NCMAP: variants seen among roughly 807,000 people sequenced by gnomAD.
NCMAP encodes the protein non-compact myelin associated protein.
Under a neutral mutation model 7.8 loss-of-function variants are expected in NCMAP, and 8 were observed. The ratio of observed to expected loss-of-function variants is 1.02; its 90% CI spans 0.60 to 1.84. NCMAP has a LOEUF of 1.84. Among genes scored for constraint, NCMAP ranks in the 40% most tolerant of loss-of-function variants. The pLI is 0.00. For synonymous variants in NCMAP, 41 were observed against 52.9 expected (o/e 0.78, Z 0.98); for missense variants, 112 against 131.4 (o/e 0.85, Z 0.72).
At chr1:24,595,615 G>C (rs1308416709) in intron 2 of NCMAP, 103 bp downstream of exon 2, 2 of 857,818 alleles carry the variant, frequency 2.3e-6, no homozygotes, top group Admixed American at 2.3e-5. Context: ...GGACTGCCTG[G>C]GTCTCAGGCC....
At chr1:24,567,838 G>A (rs1203342082) in intron 1 of NCMAP, among the ~76,000 whole-genome samples, 1 of 152,188 alleles carries the variant, frequency 6.6e-6, no homozygotes, top group Non-Finnish European at 1.5e-5. Context: ...CCAGGGTGTG[G>A]AGTATGTGGG....
intron 1 of NCMAP, among the ~76,000 whole-genome samples, chr1:24,591,274 T>C (rs989387819): frequency 4.6e-5 from 7 of 152,104 alleles, no homozygotes; most frequent in African/African-American, 1.7e-4. Flanking sequence ...CTGGGCTGTG[T>C]CTTTTTTTTG....
At position 24,582,131 on chromosome 1, in the gene NCMAP, G is replaced by A. The variant is rs1271821601; in HGVS notation, c.-7-13293G>A. Among the ~76,000 whole-genome samples the A allele has an allele frequency of 8.5e-5, 13 of 152,174 alleles. No individual in the cohort carries two copies. In the South Asian group the frequency reaches 2.3e-3, roughly 27 times the overall value. ...CCGTCTCTCACAGCCCTTCTCATGCGCAACCTCCTGATTCGTTGCTCGTGC... is the reference window on the plus strand; with the variant it reads ...CCGTCTCTCACAGCCCTTCTCATGCACAACCTCCTGATTCGTTGCTCGTGC... On this transcript the variant is annotated intron_variant, in intron 1 of 3. Coordinates refer to ENST00000374392, the MANE Select transcript of NCMAP (RefSeq NM_001010980.5).
At chr1:24,596,192 G>A (rs1376721837) in intron 2 of NCMAP, among the ~76,000 whole-genome samples, 1 of 152,162 alleles carries the variant, frequency 6.6e-6, no homozygotes, top group Non-Finnish European at 1.5e-5. Context: ...AGAATCACTT[G>A]AACCTGGGAA....
chr1:24,563,260 G>T (rs568543808), intron 1 of NCMAP, among the ~76,000 whole-genome samples: 1 of 150,940 alleles, frequency 6.6e-6, no homozygotes, highest in East Asian at 1.9e-4. Context: ...GGTGGCTTGC[G>T]CCTGTAATCC....
intron 1 of NCMAP, among the ~76,000 whole-genome samples, chr1:24,571,962 C>T (rs6424106): frequency 0.11 from 15,938 of 150,792 alleles, 1,436 homozygotes; most frequent in East Asian, 0.18. Flanking sequence ...GCATTTTGCA[C>T]TTAAAATACA....
chr1:24,602,058 T>C (rs1282845743), intron 3 of NCMAP, among the ~76,000 whole-genome samples: 1 of 149,998 alleles, frequency 6.7e-6, no homozygotes, highest in Non-Finnish European at 1.5e-5. Context: ...AAAAAAATCA[T>C]ATATATATGT....
Position 24,576,047 on chromosome 1 carries a change from A to C in NCMAP, c.-7-19377A>C, listed in dbSNP as rs1651549986. Among the ~76,000 whole-genome samples, 1 of 151,658 alleles carries C rather than the reference A, an allele frequency of 6.6e-6. No individual in the cohort carries two copies. Among genetic ancestry groups the C allele is most frequent in the Non-Finnish European group, 1.5e-5 (1 of 67,982 alleles). ...GCTCCCTCATCCTGATCCTCTCTGC[A>C]CAGCCGCATTGCCCCGTCCAGAGCT... On this transcript the variant is annotated intron_variant, in intron 1 of 3. Transcript: ENST00000374392. This position sits in a 1 kb window ranked among gnomAD's most constrained non-coding sequence, Gnocchi z 4.0.
At chr1:24,561,953 G>A (rs1336117886) in intron 1 of NCMAP, among the ~76,000 whole-genome samples, 1 of 151,968 alleles carries the variant, frequency 6.6e-6, no homozygotes, top group East Asian at 1.9e-4. Flanking sequence ...CAAAGAACTG[G>A]AGAAGGAGAC....
chr1:24,567,024 G>A (rs761772587), intron 1 of NCMAP, among the ~76,000 whole-genome samples: 10 of 152,144 alleles, frequency 6.6e-5, no homozygotes, highest in Non-Finnish European at 1.3e-4. Context: ...TGTCCCTTGA[G>A]TCTGCACAGA....
chr1:24,588,684 C>T (rs559848990), intron 1 of NCMAP, among the ~76,000 whole-genome samples: 6 of 152,334 alleles, frequency 3.9e-5, no homozygotes, highest in South Asian at 2.1e-4. Flanking sequence ...TTCCCAAACT[C>T]GCCTCCCACA....
chr1:24,579,381 TG>T (rs1209015582), intron 1 of NCMAP, among the ~76,000 whole-genome samples: 1 of 152,084 alleles, frequency 6.6e-6, no homozygotes, highest in Non-Finnish European at 1.5e-5. Flanking sequence ...CTGTCATGCT[TG>T]GGGCTTTTCT....
intron 1 of NCMAP, among the ~76,000 whole-genome samples, chr1:24,590,659 G>GGTGCCATCATGGCTCACTGTAGTTT (rs1652019102): frequency 1.3e-5 from 2 of 152,118 alleles, no homozygotes; most frequent in African/African-American, 4.8e-5. Context: ...GGAATGCAAT[G>GGTGCCATCATGGCTCACTGTAGTTT]GTGCCATCAT....
In NCMAP at chr1:24,602,503, GAGCTTGC is replaced by G. The variant is rs1400488075; in HGVS notation, c.167+1482_167+1488del. ...GAGAATGGCGTGAACCCGGAAGGCGGAGCTTGCAGTGAGCGGAGATCGCGCCACAGCA... is the reference window on the plus strand; with the variant it reads ...GAGAATGGCGTGAACCCGGAAGGCGGAGTGAGCGGAGATCGCGCCACAGCA... On this transcript the variant is annotated intron_variant, in intron 3 of 3. Transcript: ENST00000374392. Among the ~76,000 whole-genome samples the G allele has an allele frequency of 5.5e-4, 76 of 137,670 alleles. 5 individuals are homozygous for G. The highest frequency in any genetic ancestry group is 1.9e-3 in the African/African-American group (64 of 34,320). 90.3% of individuals were successfully genotyped at this position (137,670 alleles called of 152,430 possible).
At chr1:24,561,248 G>A (rs1437201877) in intron 1 of NCMAP, among the ~76,000 whole-genome samples, 1 of 151,646 alleles carries the variant, frequency 6.6e-6, no homozygotes, top group Non-Finnish European at 1.5e-5. Flanking sequence ...TTGGAAGGCT[G>A]AGGCAGGAGA....
intron 1 of NCMAP, chr1:24,563,735 C>T (rs934273070): frequency 6.6e-6 from 1 of 152,242 alleles, no homozygotes; most frequent in African/African-American, 2.4e-5. Flanking sequence ...TGAAGAAGCT[C>T]AGTTTGCACA....
In NCMAP at chr1:24,605,920, T is replaced by C. The variant is rs1024824805; in HGVS notation, c.*173T>C. ...ATCCTCAACCTTGTCTGCCCTGCCC[T>C]ACCCCAACTGTGTCCACATCCCTGC... On this transcript the variant is annotated 3_prime_UTR_variant, in exon 4 of 4. Transcript: ENST00000374392. The C allele has an allele frequency of 1.4e-5, 10 of 728,924 alleles. No homozygotes were observed. The Admixed American group carries it at 2.9e-4, about 21-fold the overall frequency. The allele number at this position is 728,924 out of a possible 1,614,324, so 45.2% of individuals were successfully genotyped here.
intron 1 of NCMAP, among the ~76,000 whole-genome samples, chr1:24,594,724 A>G (rs1386845439): frequency 6.6e-6 from 1 of 152,064 alleles, no homozygotes; most frequent in Non-Finnish European, 1.5e-5. Flanking sequence ...TGACTGCTTC[A>G]TAATCATAAT....
At chr1:24,560,747 GAA>G (rs58085206) in intron 1 of NCMAP, among the ~76,000 whole-genome samples, 3 of 141,392 alleles carry the variant, frequency 2.1e-5, no homozygotes, top group African/African-American at 7.7e-5. Flanking sequence ...CTATCTCATA[GAA>G]AAAAAAAAAA....
Sources: gnomAD v4.1 joint callset for allele counts (sites outside exome capture counted in the v4.1 genomes callset) on GRCh38, gnomAD v4.1.1 for gene constraint, Gnocchi (gnomAD v3.1) non-coding constraint, MANE v1.5 for transcripts, NCBI Gene and HGNC (gene_info 2026-07-23, HGNC 2026-07-21) for gene names.